The following SAMTOR variants were observed in gnomAD, a reference collection of about 807,000 sequenced individuals.
SAMTOR encodes UPF0532 protein C7orf60.
chr7:112,910,149 C>T, the SAMTOR span, among the ~76,000 whole-genome samples: 4 of 151,764 alleles, frequency 2.6e-5, no homozygotes, highest in African/African-American at 9.7e-5. Flanking sequence ...ATTATTTGAA[C>T]ACCCCACCCC....
At chr7:112,910,158 C>G in the SAMTOR span, among the ~76,000 whole-genome samples, 3 of 151,610 alleles carry the variant, frequency 2.0e-5, no homozygotes, top group Non-Finnish European at 2.9e-5. Context: ...ACACCCCACC[C>G]CCCAAAAAAA....
At chr7:112,831,767 T>C in the SAMTOR span, among the ~76,000 whole-genome samples, 1 of 152,198 alleles carries the variant, frequency 6.6e-6, no homozygotes, top group Non-Finnish European at 1.5e-5. Context: ...CTATCATTTA[T>C]TGAGTTCCCA....
the SAMTOR span, among the ~76,000 whole-genome samples, chr7:112,934,402 T>A: frequency 3.6e-3 from 548 of 152,322 alleles, 13 homozygotes; most frequent in Non-Finnish European, 3.5e-4. Flanking sequence ...ACCCTGTTCC[T>A]CTTGCCTCCA....
the SAMTOR span, among the ~76,000 whole-genome samples, chr7:112,916,529 G>A: frequency 3.3e-4 from 51 of 152,340 alleles, no homozygotes; most frequent in African/African-American, 1.2e-3. Context: ...GAAGACAGGT[G>A]ATTTCTGCAT....
the SAMTOR span, among the ~76,000 whole-genome samples, chr7:112,925,970 C>T: frequency 6.6e-6 from 1 of 152,010 alleles, no homozygotes; most frequent in African/African-American, 2.4e-5. Context: ...AAAAGCATAC[C>T]GAATGTGTCC....
the SAMTOR span, among the ~76,000 whole-genome samples, chr7:112,925,303 T>C: frequency 2.6e-5 from 4 of 152,230 alleles, no homozygotes; most frequent in Non-Finnish European, 5.9e-5. Context: ...TCATCAAGTC[T>C]AGAAGGCCTT....
the SAMTOR span, among the ~76,000 whole-genome samples, chr7:112,927,189 C>T: frequency 1.2e-4 from 18 of 151,808 alleles, no homozygotes; most frequent in Non-Finnish European, 2.4e-4. Flanking sequence ...TTCACCAGTG[C>T]CCAGTATAAT....
At chr7:112,887,553 C>G in the SAMTOR span, among the ~76,000 whole-genome samples, 1 of 152,108 alleles carries the variant, frequency 6.6e-6, no homozygotes, top group Non-Finnish European at 1.5e-5. Flanking sequence ...GTATATTTCA[C>G]CAGTGAAAAC....
chr7:112,854,930 G>A, the SAMTOR span, among the ~76,000 whole-genome samples: 4 of 152,136 alleles, frequency 2.6e-5, no homozygotes, highest in East Asian at 1.9e-4. Context: ...CTTTTTTCCC[G>A]TAGATGTCCA....
chr7:112,848,447 A>G, the SAMTOR span, among the ~76,000 whole-genome samples: 1 of 152,182 alleles, frequency 6.6e-6, no homozygotes, highest in Admixed American at 6.5e-5. Context: ...TACTCAAGAA[A>G]TTAGTCCAGT....
chr7:112,910,290 A>T, the SAMTOR span, among the ~76,000 whole-genome samples: 1 of 152,230 alleles, frequency 6.6e-6, no homozygotes, highest in Non-Finnish European at 1.5e-5. Context: ...TGCTTTCGTG[A>T]AAATTGGTAA....
chr7:112,821,083 A>C, the SAMTOR span: 3 of 152,494 alleles, frequency 2.0e-5, no homozygotes, highest in Admixed American at 6.6e-5. Flanking sequence ...TGTTTATTGG[A>C]TAGGGCTAAT....
chr7:112,840,293 A>G, the SAMTOR span, among the ~76,000 whole-genome samples: 4 of 151,958 alleles, frequency 2.6e-5, no homozygotes, highest in Non-Finnish European at 5.9e-5. Context: ...GTCTTCACCC[A>G]GACCATACAA....
chr7:112,921,377 G>A, the SAMTOR span, among the ~76,000 whole-genome samples: 1 of 151,116 alleles, frequency 6.6e-6, no homozygotes, highest in African/African-American at 2.4e-5. Flanking sequence ...ATGGTGCTGG[G>A]AAAACTGGCT....
chr7:112,820,657 A>G, the SAMTOR span: 2 of 152,092 alleles, frequency 1.3e-5, no homozygotes, highest in Non-Finnish European at 2.9e-5. Context: ...ATTAATGTGG[A>G]AAGGGAAAAT....
the SAMTOR span, among the ~76,000 whole-genome samples, chr7:112,913,366 G>A: frequency 6.6e-6 from 1 of 152,048 alleles, no homozygotes; most frequent in East Asian, 1.9e-4. Context: ...ACACTTATTT[G>A]AGCATTAATC....
the SAMTOR span, among the ~76,000 whole-genome samples, chr7:112,869,992 C>T: frequency 6.6e-6 from 1 of 152,070 alleles, no homozygotes; most frequent in Non-Finnish European, 1.5e-5. Context: ...TTCAAATCAA[C>T]CCTGTCAAAT....
At chr7:112,911,964 A>C in the SAMTOR span, among the ~76,000 whole-genome samples, 2 of 151,850 alleles carry the variant, frequency 1.3e-5, no homozygotes, top group East Asian at 3.8e-4. Flanking sequence ...AACAAACAAA[A>C]AAACCAAGAA....
chr7:112,879,173 C>T, the SAMTOR span, among the ~76,000 whole-genome samples: 1 of 149,604 alleles, frequency 6.7e-6, no homozygotes, highest in Non-Finnish European at 1.5e-5. Flanking sequence ...GGCACAAAAA[C>T]AAACAGAGAG....
Sources: allele counts gnomAD v4.1 joint callset (sites outside exome capture counted in the v4.1 genomes callset), GRCh38; gene constraint gnomAD v4.1.1; transcripts MANE v1.5; gene names NCBI Gene and HGNC (gene_info 2026-07-23, HGNC 2026-07-21).